CAMKMT: variants seen among roughly 807,000 people sequenced by gnomAD.
The protein encoded by CAMKMT is calmodulin-lysine N-methyltransferase, also known as CaM KMT.
A neutral mutation model predicts 48.0 loss-of-function variants in CAMKMT; 53 were observed. The observed-to-expected ratio is 1.10, with a 90% CI of 0.89 to 1.39. The LOEUF is 1.39. CAMKMT is among the 40% of genes most tolerant of loss of function. The pLI, the probability that CAMKMT is intolerant of heterozygous loss-of-function variation, is 0.00. For synonymous variants in CAMKMT, 165 were observed against 152.3 expected (o/e 1.08, Z -0.61); for missense variants, 428 against 402.7 (o/e 1.06, Z -0.54).
chr2:44,535,048 A>G (rs1224615616), intron 3 of CAMKMT, among the ~76,000 whole-genome samples: 2 of 152,104 alleles, frequency 1.3e-5, no homozygotes, highest in Admixed American at 6.5e-5. Context: ...AAATAAAATC[A>G]GAAATGAGAA....
intron 7 of CAMKMT, among the ~76,000 whole-genome samples, chr2:44,740,626 T>C (rs2104367175): frequency 6.6e-6 from 1 of 152,268 alleles, no homozygotes; most frequent in East Asian, 1.9e-4. Context: ...AGGTTCATAG[T>C]CATGAATTTA....
intron 3 of CAMKMT, among the ~76,000 whole-genome samples, chr2:44,536,825 A>G (rs1284621109): frequency 6.6e-6 from 1 of 152,182 alleles, no homozygotes; most frequent in East Asian, 1.9e-4. Context: ...CGTATAGACC[A>G]ATGGAACAGA....
intron 3 of CAMKMT, chr2:44,456,569 GGAAGCAACCAGGGGAAAAT>G: frequency 6.5e-7 from 1 of 1,549,570 alleles, no homozygotes. Flanking sequence ...CTCTTTTAGG[GGAAGCAACCAGGGGAAAAT>G]GAAGATATCA....
chr2:44,558,883 C>A (rs1158107454), intron 3 of CAMKMT, among the ~76,000 whole-genome samples: 1 of 152,060 alleles, frequency 6.6e-6, no homozygotes, highest in East Asian at 1.9e-4. Context: ...CTTAGTGACA[C>A]TTGAATTACT....
At chr2:44,614,487 G>C (rs566893017) in intron 3 of CAMKMT, among the ~76,000 whole-genome samples, 1 of 152,302 alleles carries the variant, frequency 6.6e-6, no homozygotes, top group South Asian at 2.1e-4. Flanking sequence ...ATACACCAGA[G>C]AGCAAAACGG....
chr2:44,508,986 C>T (rs920494093), intron 3 of CAMKMT, among the ~76,000 whole-genome samples: 1 of 151,612 alleles, frequency 6.6e-6, no homozygotes, highest in Non-Finnish European at 1.5e-5. Context: ...GTCCCAGCTA[C>T]TCGGGAGGCT....
chr2:44,575,815 C>T (rs905379978), intron 3 of CAMKMT, among the ~76,000 whole-genome samples: 3 of 150,612 alleles, frequency 2.0e-5, no homozygotes, highest in Admixed American at 6.6e-5. Context: ...CATGTAACTG[C>T]ACCACTACAC....
At chr2:44,649,708 AG>A (rs1489798649) in intron 3 of CAMKMT, among the ~76,000 whole-genome samples, 1 of 152,210 alleles carries the variant, frequency 6.6e-6, no homozygotes, top group African/African-American at 2.4e-5. Context: ...AAACCGAACA[AG>A]TAATTATTCA....
At chr2:44,746,273 C>T (rs1355348708) in intron 8 of CAMKMT, among the ~76,000 whole-genome samples, 2 of 152,196 alleles carry the variant, frequency 1.3e-5, no homozygotes, top group African/African-American at 2.4e-5. Context: ...AGTGGTACTG[C>T]TTGATCCCAT....
intron 3 of CAMKMT, among the ~76,000 whole-genome samples, chr2:44,701,651 T>G (rs1331514744): frequency 6.6e-6 from 1 of 152,346 alleles, no homozygotes; most frequent in Non-Finnish European, 1.5e-5. Context: ...CAATTACTTT[T>G]GCATCAACAC....
At chr2:44,400,849 A>G (rs928160438) in intron 3 of CAMKMT, 4 of 150,342 alleles carry the variant, frequency 2.7e-5, no homozygotes, top group Non-Finnish European at 5.9e-5. Flanking sequence ...AAAAATTGAA[A>G]TTGAAAGTAG....
chr2:44,704,695 A>C (rs1307741619), intron 4 of CAMKMT, among the ~76,000 whole-genome samples: 1 of 151,780 alleles, frequency 6.6e-6, no homozygotes, highest in Non-Finnish European at 1.5e-5. Flanking sequence ...AAAAAAAAAA[A>C]AAAAACCAAT....
intron 3 of CAMKMT, among the ~76,000 whole-genome samples, chr2:44,511,441 A>C (rs1670547543): frequency 6.6e-6 from 1 of 152,080 alleles, no homozygotes; most frequent in Non-Finnish European, 1.5e-5. Flanking sequence ...GGTGTGCACT[A>C]ACACGCCTGG....
chr2:44,763,629 A>G (rs1409042755), intron 9 of CAMKMT, among the ~76,000 whole-genome samples: 1 of 152,222 alleles, frequency 6.6e-6, no homozygotes, highest in Non-Finnish European at 1.5e-5. Flanking sequence ...AACAAAAATA[A>G]GCCCGGCGAG....
intron 3 of CAMKMT, among the ~76,000 whole-genome samples, chr2:44,438,965 C>G (rs56176344): frequency 1.3e-5 from 2 of 152,150 alleles, no homozygotes; most frequent in Admixed American, 6.5e-5. Flanking sequence ...TTTTGGTAAC[C>G]GCATAGTGTC....
chr2:44,479,358 G>A (rs1229540389), intron 3 of CAMKMT, among the ~76,000 whole-genome samples: 2 of 152,184 alleles, frequency 1.3e-5, no homozygotes, highest in Non-Finnish European at 2.9e-5. Context: ...GAACAACTTT[G>A]TGAAACTGTT....
At chr2:44,428,270 A>G (rs1420600263) in intron 3 of CAMKMT, among the ~76,000 whole-genome samples, 1 of 152,154 alleles carries the variant, frequency 6.6e-6, no homozygotes, top group Non-Finnish European at 1.5e-5. Flanking sequence ...TGGAGTGAGA[A>G]GATAATCTTC....
At chr2:44,568,346 T>C (rs536771289) in intron 3 of CAMKMT, among the ~76,000 whole-genome samples, 1 of 152,286 alleles carries the variant, frequency 6.6e-6, no homozygotes, top group African/African-American at 2.4e-5. Flanking sequence ...AGAACTTACA[T>C]AGGAGAGAAG....
intron 3 of CAMKMT, among the ~76,000 whole-genome samples, chr2:44,651,880 AT>A (rs1394409753): frequency 6.6e-6 from 1 of 152,226 alleles, no homozygotes; most frequent in Non-Finnish European, 1.5e-5. Context: ...GGGAAAAAAA[AT>A]AATTTTGCTC....
Sources: allele counts gnomAD v4.1 joint callset (sites outside exome capture counted in the v4.1 genomes callset), GRCh38; gene constraint gnomAD v4.1.1; transcripts MANE v1.5; gene names NCBI Gene and HGNC (gene_info 2026-07-23, HGNC 2026-07-21).